LDLRAD4: variants seen among roughly 807,000 people sequenced by gnomAD.
LDLRAD4 encodes low-density lipoprotein receptor class A domain-containing protein 4.
A neutral mutation model predicts 17.0 loss-of-function variants in LDLRAD4; 5 were observed. That is an observed-to-expected ratio of 0.29 (90% CI 0.15 to 0.62). The LOEUF (loss-of-function observed/expected upper bound fraction) is 0.62, where lower values mean the gene tolerates loss of function less well. Among genes scored for constraint, LDLRAD4 ranks in the 20% least tolerant of loss-of-function variants. The pLI is 0.84. For missense variants in LDLRAD4, 340 were observed against 424.7 expected, an observed-to-expected ratio of 0.80 and a Z score of 1.75; for synonymous variants, 168 against 171.8, an observed-to-expected ratio of 0.98 and a Z score of 0.17.
chr18:13,370,325 T>C (rs2867878), intron 1 of LDLRAD4, among the ~76,000 whole-genome samples: 70,298 of 152,196 alleles, frequency 0.46, 19,907 homozygotes, highest in Non-Finnish European at 0.62. Context: ...CATTGTCTTA[T>C]AGGAACATGG....
chr18:13,576,421 C>CAAAAAAAAAAAA (rs60116058), intron 3 of LDLRAD4, among the ~76,000 whole-genome samples: 1 of 90,288 alleles, frequency 1.1e-5, no homozygotes, highest in African/African-American at 4.4e-5. Flanking sequence ...GACTCTGTCT[C>CAAAAAAAAAAAA]AAAAAAAAAA....
chr18:13,406,058 T>TAG (rs1337864958), intron 2 of LDLRAD4, among the ~76,000 whole-genome samples: 3 of 152,254 alleles, frequency 2.0e-5, no homozygotes, highest in East Asian at 3.8e-4. Flanking sequence ...ATGTTGCCTC[T>TAG]ACTTTTGCAG....
chr18:13,286,573 A>G (rs1019842343), intron 1 of LDLRAD4, among the ~76,000 whole-genome samples: 33 of 152,240 alleles, frequency 2.2e-4, no homozygotes, highest in African/African-American at 7.7e-4. Context: ...AGGTCTCACT[A>G]TGTTGCCCGG....
intron 1 of LDLRAD4, among the ~76,000 whole-genome samples, chr18:13,298,873 G>A (rs116188764): frequency 2.6e-3 from 397 of 152,340 alleles, no homozygotes; most frequent in African/African-American, 8.9e-3. Flanking sequence ...GCATCCATAC[G>A]TCATGCGTAG....
intron 1 of LDLRAD4, among the ~76,000 whole-genome samples, chr18:13,261,112 C>T (rs377301445): frequency 8.5e-5 from 13 of 152,304 alleles, no homozygotes; most frequent in East Asian, 5.8e-4. Context: ...AGCTCAGCTA[C>T]GATGGACTGT....
chr18:13,338,764 C>T (rs1378955592), intron 1 of LDLRAD4, among the ~76,000 whole-genome samples: 2 of 152,028 alleles, frequency 1.3e-5, no homozygotes, highest in Non-Finnish European at 1.5e-5. Context: ...CATTCTGGCT[C>T]GTGTGTTTTT....
At chr18:13,415,085 A>G (rs2088748702) in intron 2 of LDLRAD4, among the ~76,000 whole-genome samples, 1 of 152,200 alleles carries the variant, frequency 6.6e-6, no homozygotes, top group Non-Finnish European at 1.5e-5. Flanking sequence ...TGGGCTGGGC[A>G]GTGTGGTCCA....
intron 1 of LDLRAD4, among the ~76,000 whole-genome samples, chr18:13,267,306 G>A (rs117864791): frequency 4.6e-5 from 7 of 152,294 alleles, no homozygotes; most frequent in East Asian, 3.9e-4. Flanking sequence ...TCAGTTTCAC[G>A]CGTGTGTGTG....
intron 2 of LDLRAD4, among the ~76,000 whole-genome samples, chr18:13,423,327 T>C (rs902660626): frequency 6.6e-6 from 1 of 151,932 alleles, no homozygotes; most frequent in African/African-American, 2.4e-5. Flanking sequence ...ACTCTGTCTC[T>C]ACTAAAAATA....
intron 1 of LDLRAD4, among the ~76,000 whole-genome samples, chr18:13,365,705 A>G (rs1362431009): frequency 6.6e-6 from 1 of 152,214 alleles, no homozygotes; most frequent in Non-Finnish European, 1.5e-5. Context: ...GCCTGTCTCA[A>G]AGTCACCAGG....
intron 2 of LDLRAD4, among the ~76,000 whole-genome samples, chr18:13,394,228 A>G (rs191289808): frequency 1.4e-4 from 21 of 152,266 alleles, no homozygotes; most frequent in East Asian, 5.8e-4. Context: ...CATATAATTT[A>G]TGTTGTTATT....
At chr18:13,485,358 G>A (rs748250616) in intron 3 of LDLRAD4, among the ~76,000 whole-genome samples, 1 of 152,216 alleles carries the variant, frequency 6.6e-6, no homozygotes, top group South Asian at 2.1e-4. Flanking sequence ...TGAGGGGCTC[G>A]GCCTCAGCCA....
At chr18:13,368,297 A>G (rs1316041786) in intron 1 of LDLRAD4, among the ~76,000 whole-genome samples, 1 of 151,936 alleles carries the variant, frequency 6.6e-6, no homozygotes, top group Non-Finnish European at 1.5e-5. Flanking sequence ...GGAACAAGAG[A>G]GGAAGAACAG....
intron 1 of LDLRAD4, among the ~76,000 whole-genome samples, chr18:13,290,502 T>G (rs2045903420): frequency 6.6e-6 from 1 of 152,196 alleles, no homozygotes; most frequent in Non-Finnish European, 1.5e-5. Context: ...AAGTTTCCAC[T>G]AATTTGCTTT....
At chr18:13,496,582 T>C (rs555707395) in intron 3 of LDLRAD4, among the ~76,000 whole-genome samples, 12 of 152,324 alleles carry the variant, frequency 7.9e-5, no homozygotes, top group African/African-American at 2.6e-4. Flanking sequence ...ATTTAGTGTT[T>C]CGAATTAGGG....
chr18:13,237,594 A>C (rs2145612546), intron 1 of LDLRAD4, among the ~76,000 whole-genome samples: 1 of 152,306 alleles, frequency 6.6e-6, no homozygotes, highest in South Asian at 2.1e-4. Flanking sequence ...GGGAACGTGG[A>C]TTCTTGTTCC....
At chr18:13,287,235 G>C (rs554549109) in intron 1 of LDLRAD4, among the ~76,000 whole-genome samples, 2 of 152,266 alleles carry the variant, frequency 1.3e-5, no homozygotes, top group East Asian at 3.9e-4. Context: ...ATGAAATACT[G>C]TCCCATAAAG....
intron 3 of LDLRAD4, chr18:13,612,456 G>C (rs1339272329): frequency 7.7e-7 from 1 of 1,291,196 alleles, no homozygotes; most frequent in African/African-American, 1.5e-5. Flanking sequence ...GCCACAGTCT[G>C]CGGTCGGAGC....
intron 1 of LDLRAD4, among the ~76,000 whole-genome samples, chr18:13,248,475 A>G (rs994091167): frequency 3.9e-5 from 6 of 152,226 alleles, no homozygotes; most frequent in African/African-American, 1.4e-4. Flanking sequence ...CGACCACCCC[A>G]TAAGATGTGA....
Sources: gnomAD v4.1 joint callset for allele counts (sites outside exome capture counted in the v4.1 genomes callset) on GRCh38, gnomAD v4.1.1 for gene constraint, MANE v1.5 for transcripts, NCBI Gene and HGNC (gene_info 2026-07-23, HGNC 2026-07-21) for gene names.